The following DOCK1 variants were observed in gnomAD, a reference collection of about 807,000 sequenced individuals.
The protein encoded by DOCK1 is dedicator of cytokinesis 1, also known as dedicator of cytokinesis protein 1.
DOCK1 carries 138 observed loss-of-function variants against 262.7 expected under a neutral mutation model. The observed-to-expected ratio is 0.53, with a 90% CI of 0.46 to 0.61. DOCK1 has a LOEUF of 0.61. DOCK1 is among the 20% of genes least tolerant of loss of function. The probability of loss-of-function intolerance (pLI) is 0.00; values close to 1 mark genes in which losing one functional copy is unlikely to be tolerated. For synonymous variants in DOCK1, 866 were observed against 867.4 expected (o/e 1.00, Z 0.03); for missense variants, 1,908 against 2,370.7 (o/e 0.80, Z 4.05).
chr10:126,971,769 G>A (rs2134688345), intron 2 of DOCK1, among the ~76,000 whole-genome samples: 1 of 151,012 alleles, frequency 6.6e-6, no homozygotes, highest in South Asian at 2.1e-4. Flanking sequence ...TTCTTTTAAT[G>A]TCCTCACTTA....
chr10:127,105,599 C>G (rs779120106), intron 23 of DOCK1, among the ~76,000 whole-genome samples: 8 of 152,156 alleles, frequency 5.3e-5, no homozygotes, highest in Non-Finnish European at 1.5e-5. Context: ...CCTCACAGAG[C>G]TCTGCAGGGG....
intron 19 of DOCK1, among the ~76,000 whole-genome samples, chr10:127,041,420 C>T (rs1190914761): frequency 6.6e-6 from 1 of 152,122 alleles, no homozygotes; most frequent in Non-Finnish European, 1.5e-5. Flanking sequence ...TTTTTATGGC[C>T]GATAACATTC....
intron 27 of DOCK1, among the ~76,000 whole-genome samples, chr10:127,201,842 T>A (rs2057475487): frequency 6.6e-6 from 1 of 152,156 alleles, no homozygotes; most frequent in Non-Finnish European, 1.5e-5. Context: ...GGGTGCTGGT[T>A]TCTATAGGGT....
chr10:127,178,845 G>T (rs991752721), intron 27 of DOCK1, among the ~76,000 whole-genome samples: 1 of 152,176 alleles, frequency 6.6e-6, no homozygotes, highest in Non-Finnish European at 1.5e-5. Flanking sequence ...GGCTTTTAGA[G>T]ATTCTTATCC....
At chr10:127,099,000 C>G (rs148282700) in intron 23 of DOCK1, among the ~76,000 whole-genome samples, 80 of 152,300 alleles carry the variant, frequency 5.3e-4, no homozygotes, top group African/African-American at 1.9e-3. Flanking sequence ...AGGTGTGGCT[C>G]TTACAATAGT....
intron 10 of DOCK1, among the ~76,000 whole-genome samples, chr10:127,006,276 G>T: frequency 6.6e-6 from 1 of 152,184 alleles, no homozygotes; most frequent in East Asian, 1.9e-4. Flanking sequence ...CTGCTCTCCT[G>T]CCTGTGCTGG....
intron 29 of DOCK1, among the ~76,000 whole-genome samples, chr10:127,328,084 G>C (rs1473567549): frequency 7.1e-6 from 1 of 140,618 alleles, no homozygotes; most frequent in African/African-American, 2.7e-5. Flanking sequence ...GTCACCACCT[G>C]CCAGGTAGCA....
At chr10:127,427,882 A>T (rs2068926354) in intron 47 of DOCK1, among the ~76,000 whole-genome samples, 1 of 152,252 alleles carries the variant, frequency 6.6e-6, no homozygotes, top group Non-Finnish European at 1.5e-5. Context: ...GCAGGGCTTG[A>T]ACCCAACAAA....
At chr10:127,286,782 T>A (rs2466285) in intron 29 of DOCK1, among the ~76,000 whole-genome samples, 270 of 152,296 alleles carry the variant, frequency 1.8e-3, no homozygotes, top group African/African-American at 6.2e-3. Context: ...CAACTTAGTA[T>A]CTAAACAAGG....
At chr10:127,092,638 C>T (rs1486275908) in intron 23 of DOCK1, among the ~76,000 whole-genome samples, 2 of 152,116 alleles carry the variant, frequency 1.3e-5, no homozygotes, top group Admixed American at 6.5e-5. Context: ...CCCACCACCA[C>T]GCCTGGATAA....
chr10:126,947,081 T>A (rs934691678), intron 1 of DOCK1, among the ~76,000 whole-genome samples: 2 of 152,262 alleles, frequency 1.3e-5, no homozygotes, highest in Non-Finnish European at 2.9e-5. Flanking sequence ...TCCTTCCTCC[T>A]GCTCTTTGCC....
intron 28 of DOCK1, among the ~76,000 whole-genome samples, chr10:127,249,578 C>G (rs1264495901): frequency 6.6e-6 from 1 of 152,156 alleles, no homozygotes; most frequent in African/African-American, 2.4e-5. Flanking sequence ...CTGCTACACA[C>G]CTAGGCTAGA....
chr10:127,341,703 G>A (rs147391192), intron 30 of DOCK1, among the ~76,000 whole-genome samples: 92 of 152,252 alleles, frequency 6.0e-4, no homozygotes, highest in African/African-American at 2.1e-3. Flanking sequence ...CTTTCGTCCT[G>A]TTTCATGAGG....
At chr10:127,316,671 G>A (rs1315301706) in intron 29 of DOCK1, among the ~76,000 whole-genome samples, 1 of 152,212 alleles carries the variant, frequency 6.6e-6, no homozygotes, top group East Asian at 1.9e-4. Context: ...AACTCAAAAG[G>A]GCGCGGTTTA....
At chr10:127,076,450 A>G (rs1209335952) in intron 23 of DOCK1, among the ~76,000 whole-genome samples, 1 of 152,172 alleles carries the variant, frequency 6.6e-6, no homozygotes, top group Non-Finnish European at 1.5e-5. Flanking sequence ...GCAGTGAGCC[A>G]AGATCACGCC....
At chr10:127,322,841 G>T (rs1291455036) in intron 29 of DOCK1, among the ~76,000 whole-genome samples, 1 of 152,066 alleles carries the variant, frequency 6.6e-6, no homozygotes, top group Non-Finnish European at 1.5e-5. Context: ...ATCATTTACA[G>T]AAGAAGTGTA....
At chr10:127,355,962 C>T (rs528542679) in intron 32 of DOCK1, among the ~76,000 whole-genome samples, 18 of 152,336 alleles carry the variant, frequency 1.2e-4, no homozygotes, top group Admixed American at 1.3e-4. Flanking sequence ...GGATGAAGAG[C>T]GGGTCAGAGT....
chr10:127,400,791 C>T (rs2067178302), intron 38 of DOCK1, among the ~76,000 whole-genome samples: 1 of 152,164 alleles, frequency 6.6e-6, no homozygotes, highest in South Asian at 2.1e-4. Context: ...CCTCCCACCC[C>T]CAGTCATGCC....
chr10:127,345,120 A>C (rs909554908), intron 31 of DOCK1, among the ~76,000 whole-genome samples: 1 of 152,198 alleles, frequency 6.6e-6, no homozygotes. Context: ...AGTTTGTGTA[A>C]GTTCACTCAG....
Sources: gnomAD v4.1 joint callset for allele counts (sites outside exome capture counted in the v4.1 genomes callset) on GRCh38, gnomAD v4.1.1 for gene constraint, MANE v1.5 for transcripts, NCBI Gene and HGNC (gene_info 2026-07-23, HGNC 2026-07-21) for gene names.